Variants in RIMS1 observed in about 807,000 individuals in gnomAD.
RIMS1 encodes the protein regulating synaptic membrane exocytosis protein 1.
RIMS1 carries 83 observed loss-of-function variants against 214.1 expected under a neutral mutation model. That is an observed-to-expected ratio of 0.39 (90% CI 0.32 to 0.47). The LOEUF (loss-of-function observed/expected upper bound fraction) is 0.47. Among genes scored for constraint, RIMS1 ranks in the 20% least tolerant of loss-of-function variants. The pLI is 0.99. For synonymous variants in RIMS1, 793 were observed against 786.8 expected (o/e 1.01, Z -0.13); for missense variants, 2,050 against 2,161.8 (o/e 0.95, Z 1.03).
At chr6:72,369,984 T>A (rs2098164663) in intron 29 of RIMS1, among the ~76,000 whole-genome samples, 1 of 152,216 alleles carries the variant, frequency 6.6e-6, no homozygotes, top group Admixed American at 6.5e-5. Flanking sequence ...CATCAAAGAT[T>A]AATTCTTGGA....
At chr6:71,905,300 C>T (rs1774940700) in intron 1 of RIMS1, among the ~76,000 whole-genome samples, 1 of 152,048 alleles carries the variant, frequency 6.6e-6, no homozygotes, top group African/African-American at 2.4e-5. Context: ...AAACAACTTT[C>T]ACTTCTCAGT....
intron 6 of RIMS1, among the ~76,000 whole-genome samples, chr6:72,206,844 A>T (rs2053004313): frequency 1.3e-5 from 2 of 152,276 alleles, no homozygotes; most frequent in South Asian, 2.1e-4. Context: ...GCCTCTACCC[A>T]TCTGCACTAC....
At chr6:71,945,280 G>A (rs1304535104) in intron 1 of RIMS1, among the ~76,000 whole-genome samples, 2 of 152,174 alleles carry the variant, frequency 1.3e-5, no homozygotes, top group East Asian at 3.9e-4. Context: ...GGGAAAAAAA[G>A]AGATATTGAG....
chr6:72,045,280 A>C (rs1221845229), intron 2 of RIMS1, among the ~76,000 whole-genome samples: 1 of 151,980 alleles, frequency 6.6e-6, no homozygotes, highest in Non-Finnish European at 1.5e-5. Flanking sequence ...GTACACTAAA[A>C]TATGATGAGT....
intron 2 of RIMS1, among the ~76,000 whole-genome samples, chr6:72,079,899 A>G (rs1313645732): frequency 6.7e-6 from 1 of 150,206 alleles, no homozygotes; most frequent in African/African-American, 2.5e-5. Flanking sequence ...TCAATCAATC[A>G]ATAAAATAAA....
intron 6 of RIMS1, among the ~76,000 whole-genome samples, chr6:72,225,544 A>G (rs2059942884): frequency 6.6e-6 from 1 of 152,196 alleles, no homozygotes; most frequent in South Asian, 2.1e-4. Flanking sequence ...TTGTTCTTGT[A>G]ATGTCTTTGC....
In RIMS1 at chr6:72,332,682, T is replaced by TA. The variant is rs745643840; in HGVS notation, c.4131-903dup. ...CACATGTACCCTAAAACTTAAAGTA[T>TA]AAAAAAAAAAAAAAAGAATCCTAAC... On this transcript the variant is annotated intron_variant, in intron 28 of 33. Coordinates refer to ENST00000521978, the MANE Select transcript of RIMS1 (RefSeq NM_014989.7). Among the ~76,000 whole-genome samples, 247 of 126,096 alleles carry TA rather than the reference T, an allele frequency of 2.0e-3. 1 individual carries two copies. The highest frequency in any genetic ancestry group is 3.0e-3 in the African/African-American group (104 of 34,190). The allele number at this position is 126,096 out of a possible 152,430, so 82.7% of individuals were successfully genotyped here. A position where few individuals can be genotyped will look rare whatever the true frequency, so the allele number is the denominator to read the frequency against.
intron 2 of RIMS1, among the ~76,000 whole-genome samples, chr6:72,095,299 G>C (rs1308270693): frequency 6.6e-6 from 1 of 151,982 alleles, no homozygotes; most frequent in Non-Finnish European, 1.5e-5. Context: ...GAAGAAGTAA[G>C]ATTGCCGGTG....
chr6:71,896,712 A>G (rs538196583), intron 1 of RIMS1, among the ~76,000 whole-genome samples: 1 of 152,300 alleles, frequency 6.6e-6, no homozygotes, highest in Non-Finnish European at 1.5e-5. Flanking sequence ...TAAGAGGTGA[A>G]GAATCTTTTG....
At chr6:72,177,172 C>G (rs1311414741) in intron 4 of RIMS1, among the ~76,000 whole-genome samples, 1 of 152,042 alleles carries the variant, frequency 6.6e-6, no homozygotes, top group Non-Finnish European at 1.5e-5. Context: ...TTTGTGTTTT[C>G]TGGTTTTTTA....
chr6:72,038,118 AATATATATATATATATATATATAT>A (rs70994111), intron 2 of RIMS1, among the ~76,000 whole-genome samples: 2 of 13,420 alleles, frequency 1.5e-4, no homozygotes, highest in African/African-American at 6.6e-4. Flanking sequence ...AAAAAAAAAA[AATATATATATATATATATATATAT>A]ATATATATAT....
chr6:72,034,097 GT>G (rs1336975392), intron 2 of RIMS1, among the ~76,000 whole-genome samples: 1 of 151,978 alleles, frequency 6.6e-6, no homozygotes, highest in Non-Finnish European at 1.5e-5. Context: ...TTTGGTTTTG[GT>G]TTTGTGTTTT....
intron 29 of RIMS1, among the ~76,000 whole-genome samples, chr6:72,359,257 CTT>C (rs1327435487): frequency 6.6e-6 from 1 of 152,188 alleles, no homozygotes; most frequent in Non-Finnish European, 1.5e-5. Context: ...ATATAGCAAG[CTT>C]TTAATGTGCT....
intron 1 of RIMS1, among the ~76,000 whole-genome samples, chr6:71,967,441 C>A (rs567704777): frequency 1.8e-4 from 27 of 152,190 alleles, no homozygotes; most frequent in African/African-American, 6.3e-4. Context: ...GTGAGAATTG[C>A]TAAAGATTTT....
chr6:72,076,437 A>G (rs1035813031), intron 2 of RIMS1, among the ~76,000 whole-genome samples: 1 of 152,124 alleles, frequency 6.6e-6, no homozygotes, highest in Non-Finnish European at 1.5e-5. Context: ...TCTTCCAAGT[A>G]TTATATGGAC....
intron 19 of RIMS1, chr6:72,261,098 C>T (rs1431295587): frequency 8.4e-7 from 1 of 1,194,816 alleles, no homozygotes; most frequent in East Asian, 5.5e-5. Context: ...CTTTCCCACA[C>T]ATATTCCTGT....
chr6:72,117,006 A>G (rs1241140268), intron 4 of RIMS1, among the ~76,000 whole-genome samples: 5 of 151,974 alleles, frequency 3.3e-5, no homozygotes, highest in African/African-American at 1.2e-4. Context: ...GAGAAAATTG[A>G]GTCACAACCC....
chr6:72,340,117 CTTG>C (rs1175244078), intron 29 of RIMS1, among the ~76,000 whole-genome samples: 1 of 152,016 alleles, frequency 6.6e-6, no homozygotes, highest in Non-Finnish European at 1.5e-5. Context: ...CCTTCGCCCA[CTTG>C]TTGATGGGGT....
intron 4 of RIMS1, among the ~76,000 whole-genome samples, chr6:72,132,743 G>T (rs113579167): frequency 3.9e-5 from 6 of 152,038 alleles, no homozygotes; most frequent in Non-Finnish European, 8.8e-5. Context: ...AATTTCTTGG[G>T]CCCGCCCCAA....
Sources: allele counts gnomAD v4.1 joint callset (sites outside exome capture counted in the v4.1 genomes callset), GRCh38; gene constraint gnomAD v4.1.1; transcripts MANE v1.5; gene names NCBI Gene and HGNC (gene_info 2026-07-23, HGNC 2026-07-21).